Variants in MYO16 observed in about 807,000 individuals in gnomAD.
MYO16 encodes myosin XVI.
A neutral mutation model predicts 205.3 loss-of-function variants in MYO16; 94 were observed. The ratio of observed to expected loss-of-function variants is 0.46; its 90% CI spans 0.39 to 0.54. MYO16 has a LOEUF of 0.54. Among genes scored for constraint, MYO16 ranks in the 20% least tolerant of loss-of-function variants. MYO16 has a pLI of 0.00. For synonymous variants in MYO16, 988 were observed against 954.0 expected (o/e 1.04, Z -0.66); for missense variants, 2,315 against 2,387.5 (o/e 0.97, Z 0.63).
intron 2 of MYO16, among the ~76,000 whole-genome samples, chr13:108,711,190 A>G (rs1006308428): frequency 2.6e-5 from 4 of 152,376 alleles, no homozygotes. Context: ...GGCCTCCTCA[A>G]CTTCTTGTAA....
intron 8 of MYO16, among the ~76,000 whole-genome samples, chr13:108,821,771 G>A (rs1875984462): frequency 6.6e-6 from 1 of 152,104 alleles, no homozygotes; most frequent in African/African-American, 2.4e-5. Context: ...TCTAGACTCA[G>A]CACTGGTCAT....
intron 21 of MYO16, among the ~76,000 whole-genome samples, chr13:109,000,828 A>G (rs1885187723): frequency 6.6e-6 from 1 of 152,122 alleles, no homozygotes; most frequent in African/African-American, 2.4e-5. Flanking sequence ...ATATTATTAT[A>G]TAAGATTTGT....
At chr13:108,729,218 G>C (rs1884440464) in intron 4 of MYO16, among the ~76,000 whole-genome samples, 1 of 151,804 alleles carries the variant, frequency 6.6e-6, no homozygotes, top group Non-Finnish European at 1.5e-5. Flanking sequence ...TAAATTGCCG[G>C]TTCACCATAA....
intron 2 of MYO16, among the ~76,000 whole-genome samples, chr13:108,683,227 G>A (rs1882536784): frequency 6.6e-6 from 1 of 152,060 alleles, no homozygotes; most frequent in Non-Finnish European, 1.5e-5. Flanking sequence ...CTCGATATAA[G>A]TGCCTTATCC....
At chr13:108,539,972 T>C in the MYO16 span, among the ~76,000 whole-genome samples, 3 of 152,220 alleles carry the variant, frequency 2.0e-5, no homozygotes, top group Admixed American at 6.5e-5. Context: ...TTAGTGTCAT[T>C]GCAAATGACA....
chr13:108,926,859 A>T (rs1446651496), intron 16 of MYO16, among the ~76,000 whole-genome samples: 1 of 152,190 alleles, frequency 6.6e-6, no homozygotes, highest in Non-Finnish European at 1.5e-5. Context: ...GTTAAACAAC[A>T]TCTTTTAAAA....
chr13:108,657,129 A>T (rs1267216872), intron 1 of MYO16, among the ~76,000 whole-genome samples: 1 of 152,246 alleles, frequency 6.6e-6, no homozygotes, highest in African/African-American at 2.4e-5. Flanking sequence ...TACTGTAGCT[A>T]CAGAAATTGC....
intron 12 of MYO16, 126 bp from the exon 13 acceptor site, chr13:108,882,933 A>G (rs1879688515): frequency 2.3e-6 from 3 of 1,310,970 alleles, no homozygotes; most frequent in Non-Finnish European, 2.1e-6. Flanking sequence ...TTTACATACC[A>G]ATGAGATTCA....
chr13:109,059,812 T>A (rs967077603), intron 27 of MYO16, among the ~76,000 whole-genome samples: 2 of 152,206 alleles, frequency 1.3e-5, no homozygotes, highest in Non-Finnish European at 2.9e-5. Context: ...ACTTTTGGTG[T>A]TTTAGTCATG....
rs533718486 is a variant in MYO16, at chr13:108,630,303, A to G, written c.28+431A>G. Among the ~76,000 whole-genome samples, 7 of 152,304 alleles carry G rather than the reference A, an allele frequency of 4.6e-5. No individual in the cohort carries two copies. The South Asian group carries it at 1.2e-3, about 27-fold the overall frequency. On this transcript the variant is annotated intron_variant, in intron 1 of 34. Transcript: ENST00000457511. ...CTCAAGTTTTACTGCTTAAGCCTCTATTCAATGCTTTTTGTAAGTGTGATC... is the reference window on the plus strand; with the variant it reads ...CTCAAGTTTTACTGCTTAAGCCTCTGTTCAATGCTTTTTGTAAGTGTGATC...
chr13:108,779,064 T>G (rs1232766247), intron 4 of MYO16, among the ~76,000 whole-genome samples: 2 of 152,202 alleles, frequency 1.3e-5, no homozygotes, highest in Non-Finnish European at 2.9e-5. Flanking sequence ...CCCAAGACAC[T>G]TGCTTCAGTT....
chr13:109,087,506 C>T lies in MYO16; in HGVS notation c.3336-13279C>T, dbSNP rs530179673. Among the ~76,000 whole-genome samples the T allele has an allele frequency of 5.9e-5, 9 of 152,212 alleles. No homozygotes were observed. The East Asian group carries it at 1.6e-3, about 26-fold the overall frequency. On this transcript the variant is annotated intron_variant, in intron 27 of 34. Transcript: ENST00000457511. ...ACTAAAAATACAAAAATTAGCTGGG[C>T]GTAGTGGCGGGTGCCTGTAATCCCA...
At chr13:109,144,655 C>T (rs1877247398) in intron 32 of MYO16, among the ~76,000 whole-genome samples, 3 of 152,240 alleles carry the variant, frequency 2.0e-5, no homozygotes, top group South Asian at 4.1e-4. Context: ...CCAAATAATA[C>T]AGTGTGTGGC....
the MYO16 span, among the ~76,000 whole-genome samples, chr13:108,499,207 G>A: frequency 8.5e-5 from 13 of 152,218 alleles, no homozygotes; most frequent in East Asian, 1.9e-3. Context: ...TTCAGACAAC[G>A]CAAAATTATA....
chr13:108,650,139 T>C (rs1414291092), intron 1 of MYO16, among the ~76,000 whole-genome samples: 1 of 150,270 alleles, frequency 6.7e-6, no homozygotes, highest in African/African-American at 2.5e-5. Flanking sequence ...AAAATAATAT[T>C]TTAAATAAAA....
intron 19 of MYO16, 24 bp from the exon 20 acceptor site, chr13:108,964,737 C>A: frequency 6.2e-7 from 1 of 1,611,980 alleles, no homozygotes; most frequent in African/African-American, 1.3e-5. Flanking sequence ...GTGCTCACTC[C>A]TCCTTTTCTT....
At chr13:108,768,064 G>T (rs9521019) in intron 4 of MYO16, among the ~76,000 whole-genome samples, 1 of 152,090 alleles carries the variant, frequency 6.6e-6, no homozygotes, top group Admixed American at 6.5e-5. Context: ...GATCTGCTCC[G>T]ATTGCAGAAC....
At chr13:108,531,339 A>G in the MYO16 span, among the ~76,000 whole-genome samples, 5 of 152,180 alleles carry the variant, frequency 3.3e-5, no homozygotes, top group Non-Finnish European at 7.3e-5. Context: ...CATCGGGAGG[A>G]AGCAGAACAA....
At position 108,709,999 on chromosome 13, in the gene MYO16, G is replaced by T. The variant is rs1398734864; in HGVS notation, c.293-2662G>T. Among the ~76,000 whole-genome samples the T allele has an allele frequency of 3.5e-5, 3 of 84,708 alleles. 1 individual carries two copies. Among genetic ancestry groups the T allele is most frequent in the African/African-American group, 1.3e-4 (3 of 22,856 alleles). The allele number at this position is 84,708 out of a possible 152,430, so 55.6% of individuals were successfully genotyped here. A position where few individuals can be genotyped will look rare whatever the true frequency, so the allele number is the denominator to read the frequency against. ...GATGATGCCGGGCTGGATGGAGGAA[G>T]AAGCCTTTCTTCCTAGCCTGTTTCT... is the stretch of plus-strand genomic sequence containing the variant. On this transcript the variant is annotated intron_variant, in intron 2 of 34. Coordinates refer to ENST00000457511, the MANE Select transcript of MYO16 (RefSeq NM_001198950.3).
Sources: gnomAD v4.1 joint callset for allele counts (sites outside exome capture counted in the v4.1 genomes callset) on GRCh38, gnomAD v4.1.1 for gene constraint, MANE v1.5 for transcripts, NCBI Gene and HGNC (gene_info 2026-07-23, HGNC 2026-07-21) for gene names.